Variants in ZNF609 observed in about 807,000 individuals in gnomAD.
ZNF609 encodes the protein zinc finger protein 609.
Under a neutral mutation model 109.5 loss-of-function variants are expected in ZNF609, and 11 were observed. That is an observed-to-expected ratio of 0.10 (90% confidence interval 0.06 to 0.17). The LOEUF is 0.17. ZNF609 is among the 10% of genes least tolerant of loss of function. ZNF609 has a pLI of 1.00. For missense variants in ZNF609, 1,559 were observed against 1,772.4 expected (o/e 0.88, Z 2.16); for synonymous variants, 646 against 662.0 (o/e 0.98, Z 0.37).
At chr15:64,576,455 A>G (rs1894954348) in intron 2 of ZNF609, among the ~76,000 whole-genome samples, 1 of 152,054 alleles carries the variant, frequency 6.6e-6, no homozygotes, top group Admixed American at 6.6e-5. Context: ...TCTAGAAAAA[A>G]AAAAAGTCAA....
intron 2 of ZNF609, among the ~76,000 whole-genome samples, chr15:64,571,312 AAG>A (rs1233049658): frequency 6.6e-6 from 1 of 152,160 alleles, no homozygotes; most frequent in East Asian, 1.9e-4. Flanking sequence ...GATAATAAGA[AAG>A]AGAGCAAACA....
chr15:64,499,942 G>A lies in ZNF609; in HGVS notation c.523G>A (p.Val175Met). 1.2e-6 allele frequency: 2 copies of A among 1,614,138 alleles called. No individual in the cohort carries two copies. Among genetic ancestry groups the A allele is most frequent in the Non-Finnish European group, 1.7e-6 (2 of 1,180,024 alleles). ...SKSKKERSEG[V>M]GTCSEKDPGV... ...GAGCAAGAAGGAGAGAAGCGAAGGAGTGGGGACTTGTTCAGAAAAGGATCC... is the reference window on the plus strand; with the variant it reads ...GAGCAAGAAGGAGAGAAGCGAAGGAATGGGGACTTGTTCAGAAAAGGATCC... Residue 175 changes from valine (V) to methionine (M), a missense_variant, in exon 2 of 10, where the codon GTG becomes ATG. Val to Met is a conservative substitution (Grantham distance 21). Transcript: ENST00000326648.
chr15:64,631,158 C>T, intron 3 of ZNF609: 2 of 603,542 alleles, frequency 3.3e-6, no homozygotes, highest in South Asian at 2.9e-5. Context: ...AGGCTCCTTC[C>T]CATTGGTTCT....
chr15:64,515,419 C>T (rs975528142), intron 2 of ZNF609, among the ~76,000 whole-genome samples: 2 of 152,034 alleles, frequency 1.3e-5, no homozygotes, highest in Non-Finnish European at 2.9e-5. Flanking sequence ...TAGTATCACT[C>T]GGGAAAAAGA....
chr15:64,647,933 G>A (rs1387467711), intron 3 of ZNF609, among the ~76,000 whole-genome samples: 1 of 152,074 alleles, frequency 6.6e-6, no homozygotes, highest in Non-Finnish European at 1.5e-5. Context: ...TCTTCCACCT[G>A]TTCTGTGTGT....
chr15:64,544,933 A>G (rs1365302775), intron 2 of ZNF609, among the ~76,000 whole-genome samples: 1 of 152,214 alleles, frequency 6.6e-6, no homozygotes, highest in East Asian at 1.9e-4. Flanking sequence ...AAGATGGCCC[A>G]TAGATGCTGG....
At chr15:64,523,713 A>G (rs2140366238) in intron 2 of ZNF609, among the ~76,000 whole-genome samples, 1 of 152,052 alleles carries the variant, frequency 6.6e-6, no homozygotes, top group South Asian at 2.1e-4. Flanking sequence ...AAGTGAGCAG[A>G]GATCACGCCA....
intron 2 of ZNF609, among the ~76,000 whole-genome samples, chr15:64,595,466 G>T (rs1361835406): frequency 6.6e-6 from 1 of 151,984 alleles, no homozygotes; most frequent in African/African-American, 2.4e-5. Context: ...GAGAGGGAGG[G>T]TTTGAAATTG....
chr15:64,681,428 G>A (rs2083207673), intron 9 of ZNF609, 41 bp downstream of exon 9: 1 of 1,531,722 alleles, frequency 6.5e-7, no homozygotes, highest in South Asian at 1.1e-5. Flanking sequence ...CATAAAGCCG[G>A]GATAGTTGCT....
At chr15:64,604,093 T>C (rs1895555266) in intron 2 of ZNF609, among the ~76,000 whole-genome samples, 2 of 152,248 alleles carry the variant, frequency 1.3e-5, no homozygotes, top group East Asian at 3.9e-4. Flanking sequence ...TACTTACCTC[T>C]TTTGCATTCT....
intron 3 of ZNF609, among the ~76,000 whole-genome samples, chr15:64,638,044 T>TATAAAATATATATAAAAATAA (rs1567036338): frequency 6.8e-6 from 1 of 146,114 alleles, no homozygotes; most frequent in Non-Finnish European, 1.5e-5. Context: ...CATATATATA[T>TATAAAATATATATAAAAATAA]ATATGTATTT....
At chr15:64,584,565 G>T (rs1895164501) in intron 2 of ZNF609, among the ~76,000 whole-genome samples, 1 of 152,188 alleles carries the variant, frequency 6.6e-6, no homozygotes, top group African/African-American at 2.4e-5. Context: ...CTCTCAAAGT[G>T]CTGGGATTAC....
chr15:64,475,339 TTATCTC>T (rs1893154228), intron 1 of ZNF609, among the ~76,000 whole-genome samples: 1 of 151,762 alleles, frequency 6.6e-6, no homozygotes, highest in Non-Finnish European at 1.5e-5. Flanking sequence ...ATCCTCCTCT[TTATCTC>T]TAACTTTTTG....
chr15:64,664,923 G>C (rs1879104098), intron 3 of ZNF609, among the ~76,000 whole-genome samples: 1 of 152,182 alleles, frequency 6.6e-6, no homozygotes, highest in African/African-American at 2.4e-5. Context: ...TTGTGTGCCT[G>C]CTCTCTGTGT....
intron 3 of ZNF609, among the ~76,000 whole-genome samples, chr15:64,638,178 A>C: frequency 6.6e-6 from 1 of 151,650 alleles, no homozygotes; most frequent in Non-Finnish European, 1.5e-5. Context: ...CCTTTCCCCC[A>C]TTGCACAGCA....
chr15:64,584,091 A>G (rs1015141618), intron 2 of ZNF609, among the ~76,000 whole-genome samples: 1 of 151,726 alleles, frequency 6.6e-6, no homozygotes, highest in African/African-American at 2.4e-5. Context: ...GTTTCATTTT[A>G]TTGAGGTTTT....
chr15:64,677,229 G>C (rs1354909995), intron 5 of ZNF609, among the ~76,000 whole-genome samples: 1 of 151,554 alleles, frequency 6.6e-6, no homozygotes. Context: ...ACACCCAGAT[G>C]ATGTTTTAAT....
chr15:64,670,114 T>C (rs1383963603), intron 3 of ZNF609, among the ~76,000 whole-genome samples: 1 of 152,106 alleles, frequency 6.6e-6, no homozygotes, highest in Non-Finnish European at 1.5e-5. Flanking sequence ...AAAAATAAAA[T>C]GTGTCTTGAC....
chr15:64,673,760 C>T (rs1896768188), intron 4 of ZNF609, among the ~76,000 whole-genome samples, 156 bp from the exon 5 acceptor site: 1 of 152,144 alleles, frequency 6.6e-6, no homozygotes, highest in Non-Finnish European at 1.5e-5. Flanking sequence ...CAGGAGTTCA[C>T]CATTTAGTGC....
Sources: allele counts gnomAD v4.1 joint callset (sites outside exome capture counted in the v4.1 genomes callset), GRCh38; gene constraint gnomAD v4.1.1; transcripts MANE v1.5; gene names NCBI Gene and HGNC (gene_info 2026-07-23, HGNC 2026-07-21).